ALCAM: variants seen among roughly 807,000 people sequenced by gnomAD.
The protein encoded by ALCAM is activated leukocyte cell adhesion molecule, also known as CD166 antigen.
In ALCAM, 30 loss-of-function variants were observed where a neutral mutation model predicts 70.9. That is an observed-to-expected ratio of 0.42 (90% CI 0.32 to 0.57). The LOEUF is 0.57. Ranked by LOEUF, ALCAM falls within the 20% of genes least tolerant of loss-of-function variation. The pLI, the probability that ALCAM is intolerant of heterozygous loss-of-function variation, is 0.11. For missense variants in ALCAM, 591 were observed against 695.1 expected, an observed-to-expected ratio of 0.85 and a Z score of 1.68; for synonymous variants, 249 against 242.5, an observed-to-expected ratio of 1.03 and a Z score of -0.25.
At chr3:105,437,775 T>C (rs1395359221) in intron 1 of ALCAM, among the ~76,000 whole-genome samples, 1 of 152,150 alleles carries the variant, frequency 6.6e-6, no homozygotes, top group Non-Finnish European at 1.5e-5. Context: ...GTAAAACTCC[T>C]TTTAAAATTT....
chr3:105,509,086 T>A (rs570182181), intron 1 of ALCAM, among the ~76,000 whole-genome samples: 2 of 152,268 alleles, frequency 1.3e-5, no homozygotes, highest in Non-Finnish European at 2.9e-5. Context: ...TGTGTTTGTA[T>A]CTATATAGAC....
At chr3:105,434,575 A>G (rs907849780) in intron 1 of ALCAM, among the ~76,000 whole-genome samples, 1 of 152,006 alleles carries the variant, frequency 6.6e-6, no homozygotes, top group Non-Finnish European at 1.5e-5. Context: ...TGTATTCTAC[A>G]TTGGCCTTTT....
At chr3:105,435,676 T>G (rs1937033230) in intron 1 of ALCAM, among the ~76,000 whole-genome samples, 2 of 152,234 alleles carry the variant, frequency 1.3e-5, no homozygotes, top group South Asian at 4.1e-4. Context: ...ATCCAGAGCC[T>G]ATATGATGCC....
intron 1 of ALCAM, among the ~76,000 whole-genome samples, chr3:105,458,640 T>C (rs1937564291): frequency 6.6e-6 from 1 of 152,180 alleles, no homozygotes; most frequent in African/African-American, 2.4e-5. Context: ...TAAGTAAAAA[T>C]ATGATGTACC....
chr3:105,549,476 A>G (rs1459693090), intron 11 of ALCAM, among the ~76,000 whole-genome samples: 1 of 151,446 alleles, frequency 6.6e-6, no homozygotes, highest in East Asian at 1.9e-4. Context: ...ATTTGCCTCA[A>G]CCTTGTTGGG....
intron 1 of ALCAM, among the ~76,000 whole-genome samples, chr3:105,510,725 C>T (rs1939214646): frequency 6.6e-6 from 1 of 151,950 alleles, no homozygotes. Context: ...TCTACAGGTG[C>T]CATTGACCTG....
intron 11 of ALCAM, among the ~76,000 whole-genome samples, chr3:105,548,721 G>C (rs1940314832): frequency 6.6e-6 from 1 of 151,426 alleles, no homozygotes; most frequent in Admixed American, 6.6e-5. Context: ...GCATATAAGA[G>C]GAGGCAAAGA....
At chr3:105,479,501 G>A (rs1233355044) in intron 1 of ALCAM, among the ~76,000 whole-genome samples, 1 of 152,106 alleles carries the variant, frequency 6.6e-6, no homozygotes, top group African/African-American at 2.4e-5. Flanking sequence ...GAAAATGCTT[G>A]GAGCACAGCA....
At chr3:105,368,256 A>AGAGAGAGAGAGAGAGAGAGAGAGG (rs1935128755) in intron 1 of ALCAM, among the ~76,000 whole-genome samples, 1 of 146,458 alleles carries the variant, frequency 6.8e-6, no homozygotes. Context: ...AGAGAGAGAG[A>AGAGAGAGAGAGAGAGAGAGAGAGG]GAGAGAGAAA....
At chr3:105,539,557 A>G (rs911650373) in intron 6 of ALCAM, among the ~76,000 whole-genome samples, 8 of 152,072 alleles carry the variant, frequency 5.3e-5, no homozygotes, top group South Asian at 2.1e-4. Flanking sequence ...TTATCATGCA[A>G]TATGAGTACA....
intron 1 of ALCAM, among the ~76,000 whole-genome samples, chr3:105,486,392 A>G (rs915132504): frequency 8.5e-5 from 13 of 152,126 alleles, no homozygotes; most frequent in African/African-American, 3.1e-4. Context: ...GAATAAGACT[A>G]TTGTACCAGT....
At chr3:105,367,598 G>C in intron 1 of ALCAM, 117 bp downstream of exon 1, 1 of 1,203,836 alleles carries the variant, frequency 8.3e-7, no homozygotes. Flanking sequence ...TGGAGGTAAG[G>C]GGACCGCTGT....
chr3:105,511,366 T>C (rs1939231413), intron 1 of ALCAM, among the ~76,000 whole-genome samples: 1 of 152,066 alleles, frequency 6.6e-6, no homozygotes, highest in African/African-American at 2.4e-5. Context: ...TTATTTTTAA[T>C]TTCCTCTTTC....
intron 1 of ALCAM, among the ~76,000 whole-genome samples, chr3:105,428,970 T>G (rs1936861824): frequency 6.6e-6 from 1 of 151,942 alleles, no homozygotes. Context: ...GTCAATGAAT[T>G]TTTCTTGATA....
intron 1 of ALCAM, among the ~76,000 whole-genome samples, chr3:105,456,152 G>A (rs963439620): frequency 1.3e-5 from 2 of 152,170 alleles, no homozygotes; most frequent in African/African-American, 4.8e-5. Flanking sequence ...GCCCTGAACT[G>A]CTACTCTCAG....
intron 14 of ALCAM, among the ~76,000 whole-genome samples, chr3:105,559,293 AC>A (rs1940583767): frequency 6.9e-6 from 1 of 145,560 alleles, no homozygotes; most frequent in South Asian, 2.1e-4. Flanking sequence ...TATAATATAT[AC>A]ATATATTATA....
At chr3:105,535,854 G>A (rs1331295334) in intron 6 of ALCAM, among the ~76,000 whole-genome samples, 1 of 152,010 alleles carries the variant, frequency 6.6e-6, no homozygotes, top group East Asian at 1.9e-4. Flanking sequence ...AGGAATGCCT[G>A]CTGAGCCTTT....
At chr3:105,498,224 G>C (rs1938814050) in intron 1 of ALCAM, among the ~76,000 whole-genome samples, 1 of 152,140 alleles carries the variant, frequency 6.6e-6, no homozygotes, top group Non-Finnish European at 1.5e-5. Flanking sequence ...GAAGTCTGGT[G>C]TCAGGGTTCA....
intron 1 of ALCAM, among the ~76,000 whole-genome samples, chr3:105,392,505 A>AATT (rs1935848864): frequency 6.7e-6 from 1 of 149,414 alleles, no homozygotes; most frequent in African/African-American, 2.5e-5. Flanking sequence ...TTATTATTAT[A>AATT]ATTATTATTT....
Sources: gnomAD v4.1 joint callset for allele counts (sites outside exome capture counted in the v4.1 genomes callset) on GRCh38, gnomAD v4.1.1 for gene constraint, MANE v1.5 for transcripts, NCBI Gene and HGNC (gene_info 2026-07-23, HGNC 2026-07-21) for gene names.